PDCD1LG2: variants seen among roughly 807,000 people sequenced by gnomAD.
PDCD1LG2 encodes the protein programmed cell death 1 ligand 2, also known as B7 dendritic cell molecule.
In PDCD1LG2, 32 loss-of-function variants were observed where a neutral mutation model predicts 28.2. The ratio of observed to expected loss-of-function variants is 1.13; its 90% confidence interval spans 0.86 to 1.52. The LOEUF is 1.52. Ranked by LOEUF, PDCD1LG2 falls within the 40% of genes most tolerant of loss-of-function variation. The pLI is 0.00. For synonymous variants in PDCD1LG2, 116 were observed against 120.2 expected, an observed-to-expected ratio of 0.97 and a Z score of 0.23; for missense variants, 385 against 323.8, an observed-to-expected ratio of 1.19 and a Z score of -1.45.
intron 3 of PDCD1LG2, among the ~76,000 whole-genome samples, chr9:5,540,230 A>G (rs976220711): frequency 2.6e-5 from 4 of 152,234 alleles, no homozygotes; most frequent in Non-Finnish European, 5.9e-5. Context: ...GGATACAGCA[A>G]AAGCAGTGCT....
intron 6 of PDCD1LG2, among the ~76,000 whole-genome samples, chr9:5,565,594 T>C (rs865792254): frequency 2.6e-5 from 4 of 152,360 alleles, no homozygotes; most frequent in Middle Eastern, 3.4e-3. Context: ...AAGCACATGA[T>C]TACAGCGTTA....
intron 3 of PDCD1LG2, among the ~76,000 whole-genome samples, chr9:5,547,954 A>AG (rs1475887594): frequency 2.0e-5 from 3 of 151,930 alleles, no homozygotes; most frequent in Admixed American, 6.5e-5. Flanking sequence ...AAAAAAAAAA[A>AG]AAAGAATAAA....
intron 2 of PDCD1LG2, among the ~76,000 whole-genome samples, chr9:5,526,842 T>C (rs1044563417): frequency 2.0e-5 from 3 of 152,236 alleles, no homozygotes; most frequent in African/African-American, 4.8e-5. Context: ...TCAGCAAATA[T>C]AGACATCCTG....
intron 4 of PDCD1LG2, among the ~76,000 whole-genome samples, chr9:5,557,226 G>GA (rs1816460247): frequency 1.3e-5 from 2 of 150,984 alleles, no homozygotes; most frequent in Non-Finnish European, 1.5e-5. Context: ...AGGAAAAAGA[G>GA]AAAAAAGAAA....
chr9:5,560,192 G>T (rs1816531666), intron 5 of PDCD1LG2, among the ~76,000 whole-genome samples: 1 of 152,144 alleles, frequency 6.6e-6, no homozygotes, highest in Non-Finnish European at 1.5e-5. Context: ...CAATTAAATT[G>T]CATCCCTTTT....
intron 3 of PDCD1LG2, among the ~76,000 whole-genome samples, chr9:5,537,017 G>C (rs945539877): frequency 6.6e-6 from 1 of 152,194 alleles, no homozygotes; most frequent in Non-Finnish European, 1.5e-5. Flanking sequence ...TGGGAACATT[G>C]ACACCTGATG....
intron 6 of PDCD1LG2, among the ~76,000 whole-genome samples, chr9:5,564,103 A>G (rs1816618970): frequency 6.6e-6 from 1 of 152,220 alleles, no homozygotes; most frequent in Non-Finnish European, 1.5e-5. Flanking sequence ...GGCTGAAGTA[A>G]GTCAATTTGT....
chr9:5,525,177 T>C (rs1820348467), intron 2 of PDCD1LG2, among the ~76,000 whole-genome samples: 1 of 151,838 alleles, frequency 6.6e-6, no homozygotes, highest in East Asian at 1.9e-4. Context: ...GTGAAACCCC[T>C]CTGTACTAAA....
chr9:5,549,967 T>C lies in PDCD1LG2; in HGVS notation c.631+363T>C, dbSNP rs371291581. On this transcript the variant is annotated intron_variant, in intron 4 of 6. Transcript: ENST00000397747. ...TCCAATCTCCTGCTAGCACCTCCCA[T>C]TGGCTGAACCCAGCTAGAAGTCAGA... is the stretch of plus-strand genomic sequence containing the variant. 1.2e-3 allele frequency among the ~76,000 whole-genome samples: 181 copies of C among 152,324 alleles called. 1 individual carries two copies. The highest frequency in any genetic ancestry group is 4.1e-3 in the African/African-American group (170 of 41,582).
intron 4 of PDCD1LG2, among the ~76,000 whole-genome samples, chr9:5,555,318 G>A (rs761029661): frequency 1.3e-5 from 2 of 152,154 alleles, no homozygotes; most frequent in East Asian, 3.9e-4. Flanking sequence ...TCAAGAGGCC[G>A]AGGCAGGAGA....
At chr9:5,549,177 T>C (rs1042116379) in intron 3 of PDCD1LG2, among the ~76,000 whole-genome samples, 158 bp from the exon 4 acceptor site, 1 of 152,190 alleles carries the variant, frequency 6.6e-6, no homozygotes, top group Non-Finnish European at 1.5e-5. Context: ...ATGTGGAAAA[T>C]AGCATGATAT....
chr9:5,561,257 A>T (rs2129938338), intron 5 of PDCD1LG2, among the ~76,000 whole-genome samples: 1 of 152,308 alleles, frequency 6.6e-6, no homozygotes, highest in Middle Eastern at 3.4e-3. Context: ...TTGCTCCTGT[A>T]TTGGACAGTA....
In PDCD1LG2 at chr9:5,534,735, T is replaced by G. The variant is rs754511110; in HGVS notation, c.56-10T>G. On this transcript the variant is annotated splice_polypyrimidine_tract_variant and intron_variant, in intron 2 of 6. Coordinates refer to ENST00000397747, the MANE Select transcript of PDCD1LG2 (RefSeq NM_025239.4). ...GCAGACAATGACAAAATATCTTGTT[T>G]TCTTTTCAGCTTTATTCACAGTGAC... 28 of 1,578,686 alleles carry G rather than the reference T, an allele frequency of 1.8e-5. No homozygotes were observed. Among genetic ancestry groups the G allele is most frequent in the Non-Finnish European group, 2.4e-5 (28 of 1,159,182 alleles).
In PDCD1LG2 at chr9:5,549,579, T is replaced by C; in HGVS notation, c.606T>C (p.Leu202=). ...CVFWNTHVRE[L]TLASIDLQSQ... is the part of the protein sequence containing the mutation. Reference sequence around the variant, plus strand: ...TCTGGAATACTCACGTGAGGGAACTTACTTTGGCCAGCATTGACCTTCAAA... The same window carrying C: ...TCTGGAATACTCACGTGAGGGAACTCACTTTGGCCAGCATTGACCTTCAAA... Residue 202 remains leucine (L), a synonymous_variant, in exon 4 of 7, where the codon CTT becomes CTC. Transcript: ENST00000397747. 6.2e-7 allele frequency: 1 copy of C among 1,614,248 alleles called. No homozygotes were observed. Among genetic ancestry groups the C allele is most frequent in the Non-Finnish European group, 8.5e-7 (1 of 1,180,042 alleles).
chr9:5,531,761 T>C (rs1439221019), intron 2 of PDCD1LG2, among the ~76,000 whole-genome samples: 1 of 152,206 alleles, frequency 6.6e-6, no homozygotes, highest in African/African-American at 2.4e-5. Context: ...TTAATTCTTG[T>C]TGTTATGCAG....
chr9:5,511,086 G>A (rs1347980615), intron 1 of PDCD1LG2, among the ~76,000 whole-genome samples: 1 of 152,160 alleles, frequency 6.6e-6, no homozygotes, highest in Non-Finnish European at 1.5e-5. Flanking sequence ...CTATTCTTAA[G>A]ATTGTCTCTC....
intron 6 of PDCD1LG2, among the ~76,000 whole-genome samples, chr9:5,567,111 C>T (rs1161194637): frequency 6.6e-6 from 1 of 152,166 alleles, no homozygotes; most frequent in Non-Finnish European, 1.5e-5. Flanking sequence ...CCCCACTCAC[C>T]TCTCTAGATC....
At chr9:5,512,207 G>A (rs771353928) in intron 1 of PDCD1LG2, among the ~76,000 whole-genome samples, 12 of 152,144 alleles carry the variant, frequency 7.9e-5, no homozygotes, top group Non-Finnish European at 1.5e-4. Context: ...TGCATACGTG[G>A]GTTACTCTGT....
At chr9:5,533,724 T>G (rs1240662566) in intron 2 of PDCD1LG2, among the ~76,000 whole-genome samples, 1 of 152,048 alleles carries the variant, frequency 6.6e-6, no homozygotes, top group East Asian at 1.9e-4. Context: ...TGGTAAACTC[T>G]GAGTGGAAAC....
Sources: gnomAD v4.1 joint callset for allele counts (sites outside exome capture counted in the v4.1 genomes callset) on GRCh38, gnomAD v4.1.1 for gene constraint, MANE v1.5 for transcripts, NCBI Gene and HGNC (gene_info 2026-07-23, HGNC 2026-07-21) for gene names.